Variants in ANAPC10 observed in about 807,000 individuals in gnomAD.
ANAPC10 encodes the protein anaphase promoting complex subunit 10.
A neutral mutation model predicts 22.0 loss-of-function variants in ANAPC10; 12 were observed. That is an observed-to-expected ratio of 0.55 (90% CI 0.35 to 0.88). The LOEUF (loss-of-function observed/expected upper bound fraction) is 0.88. ANAPC10 is among the 40% of genes least tolerant of loss of function. The pLI is 0.01. For missense variants in ANAPC10, 188 were observed against 220.9 expected (o/e 0.85, Z 0.94); for synonymous variants, 65 against 69.5 (o/e 0.94, Z 0.32).
chr4:145,041,505 T>C (rs1739518021), intron 4 of ANAPC10, among the ~76,000 whole-genome samples: 1 of 152,246 alleles, frequency 6.6e-6, no homozygotes, highest in African/African-American at 2.4e-5. Flanking sequence ...CAGGTTGCCC[T>C]GTGAAGAATT....
At chr4:145,000,499 T>C (rs1209485942) in intron 4 of ANAPC10, among the ~76,000 whole-genome samples, 1 of 152,170 alleles carries the variant, frequency 6.6e-6, no homozygotes, top group Non-Finnish European at 1.5e-5. Flanking sequence ...CACAATGAGA[T>C]ACCATCTCAC....
intron 4 of ANAPC10, among the ~76,000 whole-genome samples, chr4:145,008,353 T>C (rs543922832): frequency 7.2e-5 from 11 of 152,344 alleles, no homozygotes; most frequent in African/African-American, 2.2e-4. Flanking sequence ...AGCATCATCC[T>C]GATACCAAAG....
rs191757121 is a variant in ANAPC10, at chr4:145,018,126, T to A, written c.328-22523A>T. 3.9e-3 allele frequency among the ~76,000 whole-genome samples: 577 copies of A among 148,322 alleles called. 2 individuals are homozygous for A. The highest frequency in any genetic ancestry group is 0.017 in the East Asian group (86 of 5,096). ...AGAACTTAGAGTATAATAAAAAAAA[T>A]ATATATATATATAAATAAAATAAAG... On this transcript the variant is annotated intron_variant, in intron 4 of 4. Transcript: ENST00000507656.
chr4:145,016,121 G>C (rs953101104), intron 4 of ANAPC10, among the ~76,000 whole-genome samples: 6 of 152,138 alleles, frequency 3.9e-5, no homozygotes, highest in African/African-American at 1.4e-4. Flanking sequence ...TCTGGCCAGG[G>C]CAATCAGGCA....
At chr4:145,015,825 C>G (rs896480071) in intron 4 of ANAPC10, among the ~76,000 whole-genome samples, 1 of 152,138 alleles carries the variant, frequency 6.6e-6, no homozygotes, top group East Asian at 1.9e-4. Flanking sequence ...AATTTTGTAT[C>G]CAGTGAAACT....
intron 2 of ANAPC10, among the ~76,000 whole-genome samples, chr4:145,083,735 T>C (rs1007927076): frequency 9.9e-5 from 15 of 152,164 alleles, no homozygotes; most frequent in African/African-American, 3.6e-4. Context: ...TTTAACGTTG[T>C]TGCTAGATAA....
rs1037649370 is a variant in ANAPC10, at chr4:144,994,797, T to G, written c.*576A>C. ...CAACCCTAGGGCTGTAAGTATTCCG[T>G]GAAGGTGAATATGAGACAATTAATT... On this transcript the variant is annotated 3_prime_UTR_variant, in exon 5 of 5. Transcript: ENST00000507656. 3.9e-5 allele frequency: 6 copies of G among 152,212 alleles called. No homozygotes were observed. Among genetic ancestry groups the G allele is most frequent in the Admixed American group, 1.3e-4 (2 of 15,264 alleles). The allele number at this position is 152,212 out of a possible 1,614,324, so 9.4% of individuals were successfully genotyped here. A position where few individuals can be genotyped will look rare whatever the true frequency, so the allele number is the denominator to read the frequency against.
At chr4:145,037,513 G>A (rs1738768699) in intron 4 of ANAPC10, among the ~76,000 whole-genome samples, 1 of 151,914 alleles carries the variant, frequency 6.6e-6, no homozygotes, top group African/African-American at 2.4e-5. Context: ...AAGAAAACAG[G>A]CTATTTGATA....
rs531617960 is a variant in ANAPC10 at position 145,010,967 on chromosome 4, G to A, written c.328-15364C>T. On this transcript the variant is annotated intron_variant, in intron 4 of 4. Transcript: ENST00000507656. ...GGGACCAGGTATCCACGGAAGGCAC[G>A]GCAAGACAGAAAGCTTCCACAATAG... Among the ~76,000 whole-genome samples the A allele has an allele frequency of 5.7e-4, 87 of 152,168 alleles. 1 individual carries two copies. The highest frequency in any genetic ancestry group is 1.9e-3 in the African/African-American group (80 of 41,494).
chr4:145,010,830 T>A (rs901424098), intron 4 of ANAPC10, among the ~76,000 whole-genome samples: 1 of 151,466 alleles, frequency 6.6e-6, no homozygotes, highest in African/African-American at 2.4e-5. Context: ...TAATAAAAAA[T>A]AAATAAATAA....
At chr4:145,049,089 TTA>T (rs1740725827) in intron 4 of ANAPC10, among the ~76,000 whole-genome samples, 1 of 152,176 alleles carries the variant, frequency 6.6e-6, no homozygotes, top group Non-Finnish European at 1.5e-5. Flanking sequence ...TGTAATAGCA[TTA>T]TGTCTAAAGA....
intron 3 of ANAPC10, among the ~76,000 whole-genome samples, chr4:145,071,583 G>T (rs1302201567): frequency 6.6e-6 from 1 of 152,028 alleles, no homozygotes; most frequent in East Asian, 1.9e-4. Context: ...TGATCCGTAT[G>T]AACAGATACA....
In ANAPC10 at chr4:144,994,851, C is replaced by T. The variant is rs1010366269; in HGVS notation, c.*522G>A. On this transcript the variant is annotated 3_prime_UTR_variant, in exon 5 of 5. Coordinates refer to ENST00000507656, the MANE Select transcript of ANAPC10 (RefSeq NM_001256706.2). ...CTCCCCATATTAGATTGGTTCTCAT[C>T]AGACAACCTAACACTAAGCTTATTT... 1 of 152,718 alleles carries T rather than the reference C, an allele frequency of 6.5e-6. No homozygotes were observed. Among genetic ancestry groups the T allele is most frequent in the Non-Finnish European group, 1.5e-5 (1 of 68,476 alleles). The allele number at this position is 152,718 out of a possible 1,614,324, so 9.5% of individuals were successfully genotyped here.
At chr4:145,093,578 A>C (rs897319213) in intron 2 of ANAPC10, among the ~76,000 whole-genome samples, 8 of 151,970 alleles carry the variant, frequency 5.3e-5, no homozygotes, top group Non-Finnish European at 7.4e-5. Flanking sequence ...AAAAAAAAAA[A>C]CAAAAACCTA....
At chr4:144,998,818 G>A (rs1291891933) in intron 4 of ANAPC10, among the ~76,000 whole-genome samples, 1 of 152,066 alleles carries the variant, frequency 6.6e-6, no homozygotes, top group Non-Finnish European at 1.5e-5. Flanking sequence ...AAAAATCAAT[G>A]AATACAGGAG....
chr4:145,034,201 G>A (rs1396504715), intron 4 of ANAPC10, among the ~76,000 whole-genome samples: 1 of 152,030 alleles, frequency 6.6e-6, no homozygotes, highest in African/African-American at 2.4e-5. Context: ...ATTAATCCTG[G>A]GTATGCCTGT....
intron 4 of ANAPC10, among the ~76,000 whole-genome samples, chr4:145,061,467 T>C (rs1742878125): frequency 6.6e-6 from 1 of 152,110 alleles, no homozygotes; most frequent in Non-Finnish European, 1.5e-5. Flanking sequence ...ACAACTAAGA[T>C]TACATGAGGT....
intron 2 of ANAPC10, among the ~76,000 whole-genome samples, chr4:145,084,463 G>C (rs1455015217): frequency 2.0e-5 from 3 of 152,094 alleles, no homozygotes; most frequent in African/African-American, 7.2e-5. Flanking sequence ...CATATCAAAG[G>C]AGCCAGATCA....
Position 144,995,549 on chromosome 4 carries a change from G to A in ANAPC10, c.382C>T (p.His128Tyr). 6.2e-7 allele frequency: 1 copy of A among 1,613,798 alleles called. No individual in the cohort carries two copies. The highest frequency in any genetic ancestry group is 8.5e-7 in the Non-Finnish European group (1 of 1,179,892). ...ATGAATGTACGAGTTGGCTTCTTATGATTGTCAGTTAAGGGAACATGAATC... is the reference window on the plus strand; with the variant it reads ...ATGAATGTACGAGTTGGCTTCTTATAATTGTCAGTTAAGGGAACATGAATC... ...GWIHVPLTDN[H>Y]KKPTRTFMIQ... The change falls in exon 5 of 5, where the codon CAT (histidine) becomes TAT (tyrosine). Residue 128 changes from histidine to tyrosine, a missense_variant. By Grantham distance (83) the His-to-Tyr change is moderately conservative. Coordinates refer to ENST00000507656, the MANE Select transcript of ANAPC10 (RefSeq NM_001256706.2).
Sources: gnomAD v4.1 joint callset for allele counts (sites outside exome capture counted in the v4.1 genomes callset) on GRCh38, gnomAD v4.1.1 for gene constraint, MANE v1.5 for transcripts, NCBI Gene and HGNC (gene_info 2026-07-23, HGNC 2026-07-21) for gene names.